FBXL14: variants seen among roughly 807,000 people sequenced by gnomAD.
FBXL14 encodes the protein F-box/LRR-repeat protein 14.
Under a neutral mutation model 24.5 loss-of-function variants are expected in FBXL14, and 11 were observed. The observed-to-expected ratio is 0.45, with a 90% CI of 0.28 to 0.74. The LOEUF is 0.74. Among genes scored for constraint, FBXL14 ranks in the 30% least tolerant of loss-of-function variants. The pLI is 0.12. For synonymous variants in FBXL14, 294 were observed against 240.4 expected (o/e 1.22, Z -2.06); for missense variants, 384 against 545.6 (o/e 0.70, Z 2.95).
intron 1 of FBXL14, among the ~76,000 whole-genome samples, chr12:1,570,442 G>C (rs962154683): frequency 6.6e-6 from 1 of 152,182 alleles, no homozygotes; most frequent in African/African-American, 2.4e-5. Flanking sequence ...CGCAAAAAAA[G>C]TGCAGGAGCT....
intron 1 of FBXL14, among the ~76,000 whole-genome samples, chr12:1,582,981 G>T (rs1313792649): frequency 6.6e-6 from 1 of 152,102 alleles, no homozygotes; most frequent in Non-Finnish European, 1.5e-5. Context: ...CCTAATGTCA[G>T]TTTTCTGTAG....
intron 1 of FBXL14, among the ~76,000 whole-genome samples, chr12:1,577,259 G>A (rs1382683122): frequency 6.6e-6 from 1 of 152,170 alleles, no homozygotes; most frequent in African/African-American, 2.4e-5. Flanking sequence ...TCCTAGCCGC[G>A]CTGAGCGTGG....
At position 1,579,805 on chromosome 12, in the gene FBXL14, T is replaced by G. The variant is rs1372049254; in HGVS notation, c.1195-12995A>C. Among the ~76,000 whole-genome samples the G allele has an allele frequency of 1.3e-5, 2 of 152,194 alleles. No individual in the cohort carries two copies. The highest frequency in any genetic ancestry group is 6.5e-5 in the Admixed American group (1 of 15,278). On this transcript the variant is annotated intron_variant, in intron 1 of 1. Transcript: ENST00000339235. This position sits in a 1 kb window ranked among gnomAD's most constrained non-coding sequence, Gnocchi z 4.3. ...GAATTTGTAGTCATTTCCTTTTTAC[T>G]GGGTATTTGCATACATCACTAACCA... is the stretch of plus-strand genomic sequence containing the variant.
chr12:1,572,929 A>G lies in FBXL14; in HGVS notation c.1195-6119T>C, dbSNP rs370200198. Among the ~76,000 whole-genome samples the G allele has an allele frequency of 8.9e-4, 136 of 152,330 alleles. 1 individual carries two copies. The South Asian group carries it at 0.018, about 20-fold the overall frequency. ...AGAGCTGGGACAATCCTTTGGGCAC[A>G]GGATGTAATAAGAGAGAGAAGAGTT... On this transcript the variant is annotated intron_variant, in intron 1 of 1. Transcript: ENST00000339235.
chr12:1,594,735 C>T (rs2094498250), upstream of FBXL14, among the ~76,000 whole-genome samples: 1 of 149,914 alleles, frequency 6.7e-6, no homozygotes, highest in South Asian at 2.1e-4. Flanking sequence ...GGCCGTCCGG[C>T]CGGAGCGCGG....
At position 1,572,652 on chromosome 12, in the gene FBXL14, G is replaced by A. The variant is rs77222291; in HGVS notation, c.1195-5842C>T. On this transcript the variant is annotated intron_variant, in intron 1 of 1. Transcript: ENST00000339235. ...AAGCGGGGGGGCAGTGGAGAGGAAGGCAGGGCCAGGTTATCGAGGATCCCG... is the reference window on the plus strand; with the variant it reads ...AAGCGGGGGGGCAGTGGAGAGGAAGACAGGGCCAGGTTATCGAGGATCCCG... Among the ~76,000 whole-genome samples the A allele has an allele frequency of 5.4e-3, 815 of 152,298 alleles. 15 individuals carry two copies. Among genetic ancestry groups the A allele is most frequent in the African/African-American group, 0.018 (759 of 41,554 alleles).
intron 1 of FBXL14, 93 bp downstream of exon 1, chr12:1,592,780 G>C: frequency 9.2e-7 from 1 of 1,089,718 alleles, no homozygotes; most frequent in Non-Finnish European, 1.3e-6. Context: ...AATGATCTGT[G>C]CGTAAGTGTG....
intron 1 of FBXL14, among the ~76,000 whole-genome samples, chr12:1,584,577 C>A (rs1329451937): frequency 6.6e-6 from 1 of 152,224 alleles, no homozygotes; most frequent in Non-Finnish European, 1.5e-5. Context: ...TCAGCTAGGG[C>A]TGGAAGAGCC....
Position 1,593,722 on chromosome 12 carries a change from C to G in FBXL14, c.345G>C (p.Glu115Asp), listed in dbSNP as rs370486272. Reference protein sequence around the residue: ...DNGLGHAFVQEIGSLRALNLS... With the variant: ...DNGLGHAFVQDIGSLRALNLS... ...GGTTGAGAGCGCGCAGGGAGCCGAT[C>G]TCCTGCACAAACGCGTGGCCCAGCC... The change falls in exon 1 of 2, where the codon GAG (glutamate) becomes GAC (aspartate). Residue 115 changes from glutamate (E) to aspartate (D), a missense_variant. Transcript: ENST00000339235. The surrounding 1 kb of genome is among the most constrained non-coding windows in gnomAD (Gnocchi z 7.4). The G allele has an allele frequency of 4.3e-6, 7 of 1,614,058 alleles. No homozygotes were observed. In the African/African-American group the frequency reaches 6.7e-5, roughly 15 times the overall value.
chr12:1,570,194 A>T lies in FBXL14; in HGVS notation c.1195-3384T>A, dbSNP rs368869972. Among the ~76,000 whole-genome samples, 31 of 152,280 alleles carry T rather than the reference A, an allele frequency of 2.0e-4. 2 individuals are homozygous for T. The highest frequency in any genetic ancestry group is 5.9e-4 in the Admixed American group (9 of 15,298). ...CAAAGGCCAGTAGATTACTTGTGAC[A>T]TGAGGAGCTACTGATCAGAGAGTGG... On this transcript the variant is annotated intron_variant, in intron 1 of 1. Transcript: ENST00000339235.
Position 1,593,328 on chromosome 12 carries a change from G to C in FBXL14, c.739C>G (p.Leu247Val). The change falls in exon 1 of 2, where the codon CTG (leucine) becomes GTG (valine). Residue 247 changes from leucine to valine, a missense_variant. Leu to Val is a conservative substitution (Grantham distance 32, BLOSUM62 1). Transcript: ENST00000339235. The surrounding 1 kb of genome is among the most constrained non-coding windows in gnomAD (Gnocchi z 7.4). ...AGGCTGCCCATGTGCGACAGGTGCA[G>C]GAGGCCAGCGTCCGAGATTCCCCCA... is the stretch of plus-strand genomic sequence containing the variant. ...FCGGISDAGL[L>V]HLSHMGSLRS... is the part of the protein sequence containing the mutation. The C allele has an allele frequency of 1.2e-6, 2 of 1,613,640 alleles. No individual in the cohort carries two copies. Among genetic ancestry groups the C allele is most frequent in the Non-Finnish European group, 1.7e-6 (2 of 1,180,042 alleles).
At chr12:1,571,034 A>G (rs1325352598) in intron 1 of FBXL14, among the ~76,000 whole-genome samples, 1 of 152,182 alleles carries the variant, frequency 6.6e-6, no homozygotes, top group Non-Finnish European at 1.5e-5. Flanking sequence ...GCATGTGTTT[A>G]TCACTAATAA....
intron 1 of FBXL14, 80 bp downstream of exon 1, chr12:1,592,793 T>G: frequency 8.4e-7 from 1 of 1,192,834 alleles, no homozygotes. Flanking sequence ...TAAGTGTGCG[T>G]GTGAGTGTGT....
chr12:1,586,247 T>C (rs1350050541), intron 1 of FBXL14, among the ~76,000 whole-genome samples: 1 of 151,822 alleles, frequency 6.6e-6, no homozygotes, highest in Non-Finnish European at 1.5e-5. Flanking sequence ...TTAAGAAACT[T>C]TTTTTTAAGG....
intron 1 of FBXL14, 84 bp downstream of exon 1, chr12:1,592,789 T>C: frequency 8.6e-7 from 1 of 1,158,646 alleles, no homozygotes; most frequent in Non-Finnish European, 1.2e-6. Context: ...TGCGTAAGTG[T>C]GCGTGTGAGT....
Position 1,593,878 on chromosome 12 carries a change from G to T in FBXL14, c.189C>A (p.Pro63=). 1 of 1,610,704 alleles carries T rather than the reference G, an allele frequency of 6.2e-7. No homozygotes were observed. ...GGCGGATGCCCCGGGCCTGCAGGCT[G>T]GGGAACAGCGACGGGTTGGCCCGGC... ...HLRRANPSLF[P]SLQARGIRRV... Residue 63 remains proline, a synonymous_variant, in exon 1 of 2, where the codon CCC becomes CCA. Coordinates refer to ENST00000339235, the MANE Select transcript of FBXL14 (RefSeq NM_152441.3). The surrounding 1 kb of genome is among the most constrained non-coding windows in gnomAD (Gnocchi z 7.4).
In FBXL14 at chr12:1,593,527, G is replaced by A. The variant is rs751274963; in HGVS notation, c.540C>T (p.Arg180=). ...RLKSLNLRSC[R]HLSDVGIGHL... is the part of the protein sequence containing the mutation. ...GCCCGATGCCCACATCCGAAAGGTG[G>A]CGGCAGCTGCGGAGGTTAAGGCTCT... is the stretch of plus-strand genomic sequence containing the variant. The change falls in exon 1 of 2, where the codon CGC becomes CGT. Residue 180 remains arginine, a synonymous_variant. Transcript: ENST00000339235. The surrounding 1 kb of genome is among the most constrained non-coding windows in gnomAD (Gnocchi z 7.4). The A allele has an allele frequency of 1.5e-5, 24 of 1,613,732 alleles. No individual in the cohort carries two copies. In the Admixed American group the frequency reaches 1.8e-4, roughly 12 times the overall value.
chr12:1,581,896 G>T (rs1030702036), intron 1 of FBXL14, among the ~76,000 whole-genome samples: 2 of 152,186 alleles, frequency 1.3e-5, no homozygotes, highest in Admixed American at 1.3e-4. Flanking sequence ...AGGCTGAGGC[G>T]GGTAGATCAC....
chr12:1,573,807 C>T (rs564988564), intron 1 of FBXL14, among the ~76,000 whole-genome samples: 1 of 152,118 alleles, frequency 6.6e-6, no homozygotes, highest in Non-Finnish European at 1.5e-5. Context: ...GAGTTTGAGA[C>T]CAGCCTGACC....
Sources: gnomAD v4.1 joint callset for allele counts (sites outside exome capture counted in the v4.1 genomes callset) on GRCh38, gnomAD v4.1.1 for gene constraint, Gnocchi (gnomAD v3.1) non-coding constraint, MANE v1.5 for transcripts, NCBI Gene and HGNC (gene_info 2026-07-23, HGNC 2026-07-21) for gene names.